The following RMDN2 variants were observed in gnomAD, a reference collection of about 807,000 sequenced individuals.
RMDN2 encodes regulator of microtubule dynamics 2.
In RMDN2, 61 loss-of-function variants were observed where a neutral mutation model predicts 52.8. That is an observed-to-expected ratio of 1.16 (90% CI 0.94 to 1.43). The LOEUF (loss-of-function observed/expected upper bound fraction) is 1.43. RMDN2 is among the 40% of genes most tolerant of loss of function. RMDN2 has a pLI of 0.00. For synonymous variants in RMDN2, 180 were observed against 153.1 expected (o/e 1.18, Z -1.30); for missense variants, 592 against 475.3 (o/e 1.25, Z -2.28).
intron 2 of RMDN2, chr2:37,951,446 T>C: frequency 1.2e-6 from 2 of 1,612,816 alleles, no homozygotes; most frequent in Non-Finnish European, 1.7e-6. Context: ...AAAGAAGATA[T>C]TCTTTATTTG....
chr2:37,941,991 A>G (rs2124930015), intron 2 of RMDN2, among the ~76,000 whole-genome samples: 1 of 151,438 alleles, frequency 6.6e-6, no homozygotes, highest in South Asian at 2.1e-4. Context: ...CTGCCCAAAC[A>G]GCTGCCCACT....
Position 37,987,468 on chromosome 2 carries a change from A to G in RMDN2, c.792-2073A>G, listed in dbSNP as rs117420073. Among the ~76,000 whole-genome samples the G allele has an allele frequency of 3.9e-4, 60 of 152,330 alleles. No homozygotes were observed. In the East Asian group the frequency reaches 0.011, roughly 28 times the overall value. The stretch of plus-strand genomic sequence containing the variant: ...GGCAATATACTATATGGTTCCAACT[A>G]TATGACATTCTGGGAAAGACCAAAC... On this transcript the variant is annotated intron_variant, in intron 5 of 10. Coordinates refer to ENST00000354545, the MANE Select transcript of RMDN2 (RefSeq NM_001170791.3).
chr2:38,011,117 C>G (rs1252538160), intron 10 of RMDN2, among the ~76,000 whole-genome samples: 3 of 152,146 alleles, frequency 2.0e-5, no homozygotes, highest in Non-Finnish European at 4.4e-5. Context: ...GTGGCCCAGC[C>G]TAGAGTAAGG....
At chr2:37,993,458 G>A (rs1375545422) in intron 7 of RMDN2, among the ~76,000 whole-genome samples, 2 of 151,862 alleles carry the variant, frequency 1.3e-5, no homozygotes, top group East Asian at 3.9e-4. Flanking sequence ...ATCTTAAAGT[G>A]TGTGTTAGTC....
intron 10 of RMDN2, chr2:38,012,637 C>T (rs1279285622): frequency 2.1e-6 from 1 of 466,564 alleles, no homozygotes. Flanking sequence ...CAATTTTTTT[C>T]CAAGTAGTAA....
intron 2 of RMDN2, among the ~76,000 whole-genome samples, chr2:37,930,875 G>A (rs1420068849): frequency 6.6e-6 from 1 of 152,058 alleles, no homozygotes; most frequent in Non-Finnish European, 1.5e-5. Flanking sequence ...TGGGCCTTCC[G>A]CCTCCGCCTG....
chr2:38,010,128 G>C (rs1325283896), intron 10 of RMDN2, among the ~76,000 whole-genome samples: 1 of 152,148 alleles, frequency 6.6e-6, no homozygotes, highest in Non-Finnish European at 1.5e-5. Flanking sequence ...CTTGCTGGGT[G>C]GTGCCTCCCA....
chr2:37,932,516 C>T (rs1346577424), intron 2 of RMDN2, among the ~76,000 whole-genome samples: 1 of 151,056 alleles, frequency 6.6e-6, no homozygotes, highest in Non-Finnish European at 1.5e-5. Flanking sequence ...CCCACCTTTC[C>T]CCCCTTTCTA....
chr2:37,970,483 G>C (rs1447136549), intron 2 of RMDN2, among the ~76,000 whole-genome samples: 4 of 151,974 alleles, frequency 2.6e-5, no homozygotes, highest in Non-Finnish European at 4.4e-5. Context: ...TGTAAGATTG[G>C]CCTATAATTT....
chr2:37,992,942 T>G (rs1366382013), intron 7 of RMDN2, among the ~76,000 whole-genome samples: 4 of 152,104 alleles, frequency 2.6e-5, no homozygotes, highest in Admixed American at 2.6e-4. Flanking sequence ...TTTGACCAAG[T>G]CTCGCTCTGG....
chr2:37,974,428 C>T (rs1469027946), intron 3 of RMDN2, among the ~76,000 whole-genome samples: 1 of 150,080 alleles, frequency 6.7e-6, no homozygotes, highest in African/African-American at 2.4e-5. Flanking sequence ...TTATTAGACT[C>T]TAAGGTCATA....
intron 10 of RMDN2, chr2:38,030,591 A>C (rs997052936): frequency 6.6e-6 from 1 of 152,260 alleles, no homozygotes; most frequent in East Asian, 1.9e-4. Flanking sequence ...GTTTTCTTTT[A>C]ATTGTAAAAA....
At chr2:37,925,590 C>T (rs1395263685) in intron 1 of RMDN2, among the ~76,000 whole-genome samples, 165 bp downstream of exon 1, 5 of 152,216 alleles carry the variant, frequency 3.3e-5, no homozygotes, top group Admixed American at 6.5e-5. Flanking sequence ...TCTGCGTTCC[C>T]GGGGCTGGAG....
intron 3 of RMDN2, 38 bp downstream of exon 3, chr2:37,974,252 T>C: frequency 7.3e-7 from 1 of 1,362,464 alleles, no homozygotes; most frequent in Non-Finnish European, 9.9e-7. Flanking sequence ...ATAGTTCCAT[T>C]TTTTAATTTA....
rs554824776 is a variant in RMDN2 at position 38,004,888 on chromosome 2, C to T, written c.1179+672C>T. ...AACAGGCCCCGGTGTGTGATGTTCC[C>T]GTTCCTGCGTCCATGTGTTCTGATT... On this transcript the variant is annotated intron_variant, in intron 10 of 10. Transcript: ENST00000354545. Among the ~76,000 whole-genome samples the T allele has an allele frequency of 7.9e-5, 12 of 151,984 alleles. No individual in the cohort carries two copies. The East Asian group carries it at 1.7e-3, about 22-fold the overall frequency.
intron 4 of RMDN2, among the ~76,000 whole-genome samples, chr2:37,978,368 A>G (rs989075171): frequency 6.6e-6 from 1 of 151,886 alleles, no homozygotes; most frequent in Admixed American, 6.5e-5. Flanking sequence ...CATTTTTTTC[A>G]TAAGTACCTG....
intron 10 of RMDN2, among the ~76,000 whole-genome samples, chr2:38,010,843 A>G (rs781616638): frequency 1.3e-5 from 2 of 152,222 alleles, no homozygotes; most frequent in Admixed American, 6.5e-5. Context: ...CTATTCAGCC[A>G]TCTTGGCTCC....
rs1399445167 is a variant in RMDN2 at position 37,929,770 on chromosome 2, TATC to T, written c.452+44_452+46del. Reference sequence around the variant, plus strand: ...ATATTTCCTATGTTGAATTGGTTATTATCATTATTACTATTATTTAGGTATTTT... The same window carrying T: ...ATATTTCCTATGTTGAATTGGTTATTATTATTACTATTATTTAGGTATTTT... On this transcript the variant is annotated intron_variant, in intron 2 of 10. Coordinates refer to ENST00000354545, the MANE Select transcript of RMDN2 (RefSeq NM_001170791.3). 7 of 1,291,806 alleles carry T rather than the reference TATC, an allele frequency of 5.4e-6. No individual in the cohort carries two copies. The African/African-American group carries it at 7.5e-5, about 14-fold the overall frequency. 80.0% of individuals were successfully genotyped at this position (1,291,806 alleles called of 1,614,324 possible). A position where few individuals can be genotyped will look rare whatever the true frequency, so the allele number is the denominator to read the frequency against.
rs886891920 is a variant in RMDN2, at chr2:37,967,774, G to A, written c.453-6266G>A. On this transcript the variant is annotated intron_variant, in intron 2 of 10. Coordinates refer to ENST00000354545, the MANE Select transcript of RMDN2 (RefSeq NM_001170791.3). ...GGCTTCCACCTTAGAGTCCTCATTT[G>A]ATTTGGCTCTTTTCAACTTTTGTTT... Among the ~76,000 whole-genome samples the A allele has an allele frequency of 2.0e-5, 3 of 152,098 alleles. No homozygotes were observed. The East Asian group carries it at 5.8e-4, about 29-fold the overall frequency.
Sources: gnomAD v4.1 joint callset for allele counts (sites outside exome capture counted in the v4.1 genomes callset) on GRCh38, gnomAD v4.1.1 for gene constraint, MANE v1.5 for transcripts, NCBI Gene and HGNC (gene_info 2026-07-23, HGNC 2026-07-21) for gene names.